CUL4A: variants seen among roughly 807,000 people sequenced by gnomAD.
The protein encoded by CUL4A is cullin-4A.
CUL4A carries 16 observed loss-of-function variants against 95.5 expected under a neutral mutation model. The ratio of observed to expected loss-of-function variants is 0.17; its 90% CI spans 0.11 to 0.25. CUL4A has a LOEUF of 0.25. Ranked by LOEUF, CUL4A falls within the 10% of genes least tolerant of loss-of-function variation. The probability of loss-of-function intolerance (pLI) is 1.00; values close to 1 mark genes in which losing one functional copy is unlikely to be tolerated. For synonymous variants in CUL4A, 380 were observed against 353.1 expected (o/e 1.08, Z -0.85); for missense variants, 610 against 937.0 (o/e 0.65, Z 4.56).
intron 12 of CUL4A, 94 bp from the exon 13 acceptor site, chr13:113,244,855 C>T (rs146894312): frequency 1.8e-5 from 12 of 652,606 alleles, no homozygotes; most frequent in Middle Eastern, 3.6e-4. Flanking sequence ...AAAAAAAAAA[C>T]ACTTTTAAGG....
At position 113,233,981 on chromosome 13, in the gene CUL4A, A is replaced by G. The variant is rs770550253; in HGVS notation, c.760A>G (p.Arg254Gly). 6.2e-7 allele frequency: 1 copy of G among 1,602,834 alleles called. No individual in the cohort carries two copies. Among genetic ancestry groups the G allele is most frequent in the African/African-American group, 1.3e-5 (1 of 74,620 alleles). The change falls in exon 7 of 20, where the codon AGA (arginine) becomes GGA (glycine). Residue 254 changes from arginine to glycine, a missense_variant. Coordinates refer to ENST00000375440, the MANE Select transcript of CUL4A (RefSeq NM_001008895.4). ...CGAAGGCCAAAGGTTAATGCAGGAAAGAGAGGTGAGATGATGGGATGTTTC... is the reference window on the plus strand; with the variant it reads ...CGAAGGCCAAAGGTTAATGCAGGAAGGAGAGGTGAGATGATGGGATGTTTC... The part of the protein sequence containing the change: ...AAEGQRLMQE[R>G]EVPEYLNHVS...
At chr13:113,238,258 A>C (rs1474545414) in intron 9 of CUL4A, among the ~76,000 whole-genome samples, 1 of 152,130 alleles carries the variant, frequency 6.6e-6, no homozygotes, top group East Asian at 1.9e-4. Context: ...TGGGCAACAA[A>C]GAGAGACCCT....
chr13:113,211,214 A>T (rs1407530538), intron 2 of CUL4A, among the ~76,000 whole-genome samples: 1 of 152,212 alleles, frequency 6.6e-6, no homozygotes, highest in Non-Finnish European at 1.5e-5. Flanking sequence ...ATCTAAATGC[A>T]GTCATGTATT....
At chr13:113,229,205 G>A (rs139430794) in intron 4 of CUL4A, among the ~76,000 whole-genome samples, 25 of 152,134 alleles carry the variant, frequency 1.6e-4, no homozygotes, top group East Asian at 7.7e-4. Context: ...AGAAAAAAAA[G>A]ATACCATTTT....
At chr13:113,229,868 C>T (rs762875611) in intron 5 of CUL4A, 63 of 461,018 alleles carry the variant, frequency 1.4e-4, no homozygotes, top group South Asian at 8.6e-4. Context: ...GCCTGCTGCC[C>T]GTGGGGTCGC....
chr13:113,254,051 T>C (rs1464469260), intron 16 of CUL4A, among the ~76,000 whole-genome samples: 2 of 152,334 alleles, frequency 1.3e-5, no homozygotes, highest in African/African-American at 4.8e-5. Context: ...TGACTTTAGT[T>C]GAACTTGACC....
Position 113,218,031 on chromosome 13 carries a change from G to A in CUL4A, c.265-914G>A, listed in dbSNP as rs895927399. Reference sequence around the variant, plus strand: ...GCGGACAAATCACCTGAGGTCAGGCGTTTGAGACCGGCCTGGCCAACATGG... The same window carrying A: ...GCGGACAAATCACCTGAGGTCAGGCATTTGAGACCGGCCTGGCCAACATGG... On this transcript the variant is annotated intron_variant, in intron 2 of 19. Coordinates refer to ENST00000375440, the MANE Select transcript of CUL4A (RefSeq NM_001008895.4). Among the ~76,000 whole-genome samples the A allele has an allele frequency of 4.6e-5, 7 of 152,226 alleles. No individual in the cohort carries two copies. In the East Asian group the frequency reaches 7.7e-4, roughly 17 times the overall value.
chr13:113,223,190 G>A (rs1038549945), intron 3 of CUL4A, among the ~76,000 whole-genome samples: 1 of 152,078 alleles, frequency 6.6e-6, no homozygotes. Context: ...GAATGGCACG[G>A]GTCCTGCTCT....
chr13:113,231,901 G>A (rs2041323812), intron 5 of CUL4A, among the ~76,000 whole-genome samples: 2 of 152,064 alleles, frequency 1.3e-5, no homozygotes, highest in Admixed American at 1.3e-4. Context: ...GTGGCTCCCA[G>A]GGCCCTCTGC....
intron 16 of CUL4A, among the ~76,000 whole-genome samples, chr13:113,254,426 A>G (rs1365643282): frequency 6.6e-6 from 1 of 152,074 alleles, no homozygotes; most frequent in East Asian, 1.9e-4. Flanking sequence ...GTGGAACTCC[A>G]TCTCTACTAA....
chr13:113,264,901 T>A lies in CUL4A; in HGVS notation c.*1319T>A, dbSNP rs183252018. On this transcript the variant is annotated 3_prime_UTR_variant, in exon 20 of 20. Coordinates refer to ENST00000375440, the MANE Select transcript of CUL4A (RefSeq NM_001008895.4). Reference sequence around the variant, plus strand: ...ATTTCTATCTTTGAAAATTTTCATTTATGAGTTCCATGATATGTGGTCTAA... The same window carrying A: ...ATTTCTATCTTTGAAAATTTTCATTAATGAGTTCCATGATATGTGGTCTAA... 1 of 152,386 alleles carries A rather than the reference T, an allele frequency of 6.6e-6. No individual in the cohort carries two copies. The highest frequency in any genetic ancestry group is 1.5e-5 in the Non-Finnish European group (1 of 68,034). 9.4% of individuals were successfully genotyped at this position (152,386 alleles called of 1,614,324 possible).
At position 113,233,100 on chromosome 13, in the gene CUL4A, T is replaced by TAGCA. The variant is rs1380445324; in HGVS notation, c.513-76_513-73dup. The stretch of plus-strand genomic sequence containing the variant: ...TTCACATTTTTGGGATGATATTGAA[T>TAGCA]AGCATAGCTGGAGATTCACCCATAA... On this transcript the variant is annotated intron_variant, in intron 5 of 19. Coordinates refer to ENST00000375440, the MANE Select transcript of CUL4A (RefSeq NM_001008895.4). The TAGCA allele has an allele frequency of 7.6e-6, 11 of 1,450,836 alleles. No homozygotes were observed. In the African/African-American group the frequency reaches 1.5e-4, roughly 20 times the overall value. 89.9% of individuals were successfully genotyped at this position (1,450,836 alleles called of 1,614,324 possible).
At chr13:113,227,701 C>T (rs2041157053) in intron 3 of CUL4A, among the ~76,000 whole-genome samples, 1 of 152,140 alleles carries the variant, frequency 6.6e-6, no homozygotes, top group African/African-American at 2.4e-5. Flanking sequence ...GTCAGGAGTT[C>T]GAGATCAGCC....
At position 113,232,171 on chromosome 13, in the gene CUL4A, C is replaced by T. The variant is rs1449866724; in HGVS notation, c.513-1006C>T. On this transcript the variant is annotated intron_variant, in intron 5 of 19. Coordinates refer to ENST00000375440, the MANE Select transcript of CUL4A (RefSeq NM_001008895.4). ...CCATTACTGCTGCCACCACTACCCG[C>T]CCACCACCATTACTGCTGCCACCAC... 6.0e-5 allele frequency among the ~76,000 whole-genome samples: 7 copies of T among 115,788 alleles called. 1 individual carries two copies. Among genetic ancestry groups the T allele is most frequent in the African/African-American group, 1.8e-4 (4 of 22,436 alleles). 76.0% of individuals were successfully genotyped at this position (115,788 alleles called of 152,430 possible).
intron 19 of CUL4A, 50 bp downstream of exon 19, chr13:113,260,809 G>A (rs774759747): frequency 2.5e-5 from 34 of 1,335,382 alleles, no homozygotes; most frequent in Non-Finnish European, 3.6e-5. Flanking sequence ...CTAAACAATT[G>A]ACAAAGCATG....
chr13:113,249,378 A>G (rs575138999), intron 15 of CUL4A, among the ~76,000 whole-genome samples: 3 of 150,824 alleles, frequency 2.0e-5, no homozygotes, highest in African/African-American at 4.9e-5. Context: ...TATTCCATCC[A>G]TGCTGTACCA....
At chr13:113,250,800 G>T (rs927836093) in intron 15 of CUL4A, among the ~76,000 whole-genome samples, 1 of 152,130 alleles carries the variant, frequency 6.6e-6, no homozygotes, top group Admixed American at 6.5e-5. Flanking sequence ...CTGTCCTTTA[G>T]AGATACAGAA....
At chr13:113,218,293 T>G (rs1246173985) in intron 2 of CUL4A, among the ~76,000 whole-genome samples, 1 of 152,164 alleles carries the variant, frequency 6.6e-6, no homozygotes, top group African/African-American at 2.4e-5. Context: ...AAAAGAAAGT[T>G]TATTAATTAA....
chr13:113,253,099 A>G lies in CUL4A; in HGVS notation c.1656A>G (p.Glu552=), dbSNP rs771734620. The G allele has an allele frequency of 6.2e-6, 10 of 1,600,634 alleles. No individual in the cohort carries two copies. In the South Asian group the frequency reaches 1.0e-4, roughly 16 times the overall value. The stretch of plus-strand genomic sequence containing the variant: ...CTTAACAGATGATTAAACTTCAGGA[A>G]GTATTTAAGGCATTTTATCTTGGAA... ...HLTPEMIKLQ[E]VFKAFYLGKH... Residue 552 remains glutamate (E), a synonymous_variant, in exon 16 of 20, where the codon GAA becomes GAG. Transcript: ENST00000375440.
Sources: allele counts gnomAD v4.1 joint callset (sites outside exome capture counted in the v4.1 genomes callset), GRCh38; gene constraint gnomAD v4.1.1; transcripts MANE v1.5; gene names NCBI Gene and HGNC (gene_info 2026-07-23, HGNC 2026-07-21).